The following CDH5 variants were observed in gnomAD, a reference collection of about 807,000 sequenced individuals.
CDH5 encodes the protein cadherin 5, also known as cadherin-5.
A neutral mutation model predicts 62.0 loss-of-function variants in CDH5; 28 were observed. The ratio of observed to expected loss-of-function variants is 0.45; its 90% CI spans 0.33 to 0.62. The LOEUF (loss-of-function observed/expected upper bound fraction) is 0.62. Among genes scored for constraint, CDH5 ranks in the 20% least tolerant of loss-of-function variants. The pLI is 0.02. For missense variants in CDH5, 940 were observed against 1,065.1 expected, an observed-to-expected ratio of 0.88 and a Z score of 1.63; for synonymous variants, 464 against 445.8, an observed-to-expected ratio of 1.04 and a Z score of -0.52.
chr16:66,368,748 G>T (rs1369299033), intron 1 of CDH5, among the ~76,000 whole-genome samples: 1 of 152,204 alleles, frequency 6.6e-6, no homozygotes, highest in African/African-American at 2.4e-5. Context: ...CAAGGTAGAA[G>T]CAGGGTGAGT....
Position 66,370,325 on chromosome 16 carries a change from T to C in CDH5, c.-20+3567T>C, listed in dbSNP as rs541025877. Among the ~76,000 whole-genome samples, 42 of 152,194 alleles carry C rather than the reference T, an allele frequency of 2.8e-4. No homozygotes were observed. The South Asian group carries it at 7.3e-3, about 26-fold the overall frequency. On this transcript the variant is annotated intron_variant, in intron 1 of 11. Transcript: ENST00000341529. ...CAGGGACTCTTAAGAAGGATAATTT[T>C]GTTGTCAGTAAAGGATCAAAATCCT...
chr16:66,392,090 A>G lies in CDH5; in HGVS notation c.970-46A>G, dbSNP rs746922043. 79 of 1,611,094 alleles carry G rather than the reference A, an allele frequency of 4.9e-5. No individual in the cohort carries two copies. The South Asian group carries it at 4.9e-4, about 10-fold the overall frequency. Reference sequence around the variant, plus strand: ...GCTGTGCAGATCATGTGCCACACACATGCTTGGCCCAGAGCAGGCACTCAC... The same window carrying G: ...GCTGTGCAGATCATGTGCCACACACGTGCTTGGCCCAGAGCAGGCACTCAC... On this transcript the variant is annotated intron_variant, in intron 6 of 11. Transcript: ENST00000341529.
At chr16:66,395,018 CTTTTTTTTT>C (rs1174519256) in intron 7 of CDH5, among the ~76,000 whole-genome samples, 14 of 13,798 alleles carry the variant, frequency 1.0e-3, no homozygotes, top group Non-Finnish European at 1.2e-3. Context: ...CCAGGCTAAT[CTTTTTTTTT>C]TTTTTTTTTT....
In CDH5 at chr16:66,379,468, G is replaced by A. The variant is rs149125818; in HGVS notation, c.131G>A (p.Arg44His). Residue 44 changes from arginine (R) to histidine (H), a missense_variant, in exon 2 of 12, where the codon CGC becomes CAC. By Grantham distance (29) the Arg-to-His change is conservative. Coordinates refer to ENST00000341529, the MANE Select transcript of CDH5 (RefSeq NM_001795.5). ...DTHSLLPTHR[R>H]QKRDWIWNQM... ...CACAGCCTGCTGCCCACCCACCGGC[G>A]CCAAAAGAGAGATTGGATTTGGAAC... 5.5e-5 allele frequency: 88 copies of A among 1,614,212 alleles called. No homozygotes were observed. The highest frequency in any genetic ancestry group is 1.6e-4 in the Middle Eastern group (1 of 6,062).
chr16:66,374,684 C>T (rs571334173), intron 1 of CDH5, among the ~76,000 whole-genome samples: 10 of 150,726 alleles, frequency 6.6e-5, no homozygotes, highest in South Asian at 2.1e-4. Context: ...TAGGTACAGC[C>T]GTGCATCTTT....
chr16:66,403,304 TCA>T lies in CDH5; in HGVS notation c.*136_*137del, dbSNP rs2142349116. On this transcript the variant is annotated 3_prime_UTR_variant, in exon 12 of 12. Coordinates refer to ENST00000341529, the MANE Select transcript of CDH5 (RefSeq NM_001795.5). This position sits in a 1 kb window ranked among gnomAD's most constrained non-coding sequence, Gnocchi z 4.3. ...CCCTTCCTCGTGGGTCCCAGAGACCTCATCAGCCTTGGGATAGCAAACTCCAG... is the reference window on the plus strand; with the variant it reads ...CCCTTCCTCGTGGGTCCCAGAGACCTTCAGCCTTGGGATAGCAAACTCCAG... 2.7e-6 allele frequency: 2 copies of T among 734,222 alleles called. No individual in the cohort carries two copies. Among genetic ancestry groups the T allele is most frequent in the African/African-American group, 3.5e-5 (2 of 56,528 alleles). The allele number at this position is 734,222 out of a possible 1,614,324, so 45.5% of individuals were successfully genotyped here. A position where few individuals can be genotyped will look rare whatever the true frequency, so the allele number is the denominator to read the frequency against.
chr16:66,390,266 T>A (rs1246651820), intron 5 of CDH5, 137 bp from the exon 6 acceptor site: 3 of 657,262 alleles, frequency 4.6e-6, no homozygotes, highest in Non-Finnish European at 7.5e-6. Context: ...ACCTTGAGAA[T>A]CCCAGGGGTA....
chr16:66,370,984 C>G lies in CDH5; in HGVS notation c.-20+4226C>G, dbSNP rs575440492. ...CTTCCTCCAGCAGGGAGTGGGGAGGCTGTTGGCAGAACCTGCAGGGAGAGG... is the reference window on the plus strand; with the variant it reads ...CTTCCTCCAGCAGGGAGTGGGGAGGGTGTTGGCAGAACCTGCAGGGAGAGG... On this transcript the variant is annotated intron_variant, in intron 1 of 11. Coordinates refer to ENST00000341529, the MANE Select transcript of CDH5 (RefSeq NM_001795.5). 6.8e-4 allele frequency among the ~76,000 whole-genome samples: 104 copies of G among 152,180 alleles called. 1 individual carries two copies. In the South Asian group the frequency reaches 0.021, roughly 31 times the overall value.
intron 6 of CDH5, 48 bp downstream of exon 6, chr16:66,390,638 T>C (rs780294820): frequency 1.3e-6 from 2 of 1,569,932 alleles, no homozygotes; most frequent in Non-Finnish European, 8.7e-7. Flanking sequence ...TTGGGGCTCT[T>C]GGCACCCACA....
At chr16:66,390,827 C>T (rs1302918079) in intron 6 of CDH5, among the ~76,000 whole-genome samples, 1 of 152,156 alleles carries the variant, frequency 6.6e-6, no homozygotes, top group Non-Finnish European at 1.5e-5. Context: ...CCAGGAAGCC[C>T]CAGGAGCAAT....
intron 1 of CDH5, among the ~76,000 whole-genome samples, chr16:66,371,965 C>G (rs1960700352): frequency 6.6e-6 from 1 of 152,126 alleles, no homozygotes; most frequent in Non-Finnish European, 1.5e-5. Flanking sequence ...CCTAGCCTCT[C>G]TTTTTGACAC....
chr16:66,397,188 A>G (rs1240988583), intron 8 of CDH5, among the ~76,000 whole-genome samples: 1 of 152,066 alleles, frequency 6.6e-6, no homozygotes, highest in Non-Finnish European at 1.5e-5. Flanking sequence ...CCTTTACTTA[A>G]CCTTATTCCA....
chr16:66,383,082 T>C (rs1351993990), intron 2 of CDH5, among the ~76,000 whole-genome samples: 1 of 152,078 alleles, frequency 6.6e-6, no homozygotes, highest in Non-Finnish European at 1.5e-5. Flanking sequence ...TGACTCATAC[T>C]CCTCAAACCT....
At chr16:66,392,527 C>G (rs1056038493) in intron 7 of CDH5, 144 bp downstream of exon 7, 6 of 1,178,848 alleles carry the variant, frequency 5.1e-6, no homozygotes, top group Non-Finnish European at 7.1e-6. Flanking sequence ...AGACCAGAAG[C>G]CCAAGCTCTT....
At chr16:66,390,723 A>G in intron 6 of CDH5, 133 bp downstream of exon 6, 1 of 777,178 alleles carries the variant, frequency 1.3e-6, no homozygotes, top group Non-Finnish European at 2.0e-6. Context: ...TCATGTGTTC[A>G]TGGAGACTGT....
At chr16:66,399,884 A>G (rs1289831488) in intron 10 of CDH5, among the ~76,000 whole-genome samples, 1 of 152,250 alleles carries the variant, frequency 6.6e-6, no homozygotes, top group Non-Finnish European at 1.5e-5. Context: ...GTAATTATGA[A>G]TAATGAAATA....
At chr16:66,391,237 G>A (rs987616025) in intron 6 of CDH5, among the ~76,000 whole-genome samples, 3 of 152,182 alleles carry the variant, frequency 2.0e-5, no homozygotes, top group Non-Finnish European at 4.4e-5. Flanking sequence ...ACCAAGGAGA[G>A]GCAGACACAG....
intron 10 of CDH5, among the ~76,000 whole-genome samples, chr16:66,399,631 A>G (rs1678896709): frequency 6.6e-6 from 1 of 152,158 alleles, no homozygotes; most frequent in Non-Finnish European, 1.5e-5. Flanking sequence ...GAAGTAAATA[A>G]TGTGGCAAAA....
At chr16:66,375,591 T>A (rs1018618170) in intron 1 of CDH5, among the ~76,000 whole-genome samples, 13 of 152,058 alleles carry the variant, frequency 8.5e-5, no homozygotes, top group African/African-American at 3.1e-4. Flanking sequence ...CACCTCTCTA[T>A]GGTACATACC....
Sources: allele counts gnomAD v4.1 joint callset (sites outside exome capture counted in the v4.1 genomes callset), GRCh38; gene constraint gnomAD v4.1.1; non-coding constraint Gnocchi (gnomAD v3.1); transcripts MANE v1.5; gene names NCBI Gene and HGNC (gene_info 2026-07-23, HGNC 2026-07-21).